Variants in GATAD2B observed in about 807,000 individuals in gnomAD.
GATAD2B encodes GATA zinc finger domain containing 2B.
Under a neutral mutation model 64.3 loss-of-function variants are expected in GATAD2B, and 8 were observed. That is an observed-to-expected ratio of 0.12 (90% CI 0.07 to 0.22). The LOEUF is 0.22. Ranked by LOEUF, GATAD2B falls within the 10% of genes least tolerant of loss-of-function variation. The pLI, the probability that GATAD2B is intolerant of heterozygous loss-of-function variation, is 1.00. For synonymous variants in GATAD2B, 281 were observed against 271.3 expected (o/e 1.04, Z -0.35); for missense variants, 453 against 752.0 (o/e 0.60, Z 4.65).
At chr1:153,815,104 A>AAAAAAAAAAAAAAAC (rs1674417180) in intron 7 of GATAD2B, among the ~76,000 whole-genome samples, 1 of 142,338 alleles carries the variant, frequency 7.0e-6, no homozygotes, top group Non-Finnish European at 1.6e-5. Flanking sequence ...AAAAAAAAAA[A>AAAAAAAAAAAAAAAC]AAAAAAAACC....
At chr1:153,836,316 C>T (rs1435477305) in intron 1 of GATAD2B, among the ~76,000 whole-genome samples, 1 of 144,984 alleles carries the variant, frequency 6.9e-6, no homozygotes, top group Non-Finnish European at 1.5e-5. Flanking sequence ...AGTGCAGTGG[C>T]ACAGCCTCGG....
intron 1 of GATAD2B, among the ~76,000 whole-genome samples, chr1:153,866,257 T>C (rs902589217): frequency 2.0e-5 from 3 of 147,730 alleles, no homozygotes; most frequent in Non-Finnish European, 3.0e-5. Flanking sequence ...TTAGTCATAA[T>C]AGAGAGGTGA....
chr1:153,895,781 G>A (rs1419767069), intron 1 of GATAD2B, among the ~76,000 whole-genome samples: 1 of 152,094 alleles, frequency 6.6e-6, no homozygotes, highest in Non-Finnish European at 1.5e-5. Context: ...TTCTAAGTCT[G>A]ATGCTCACAG....
chr1:153,836,449 C>T (rs1210913871), intron 1 of GATAD2B, among the ~76,000 whole-genome samples: 3 of 151,720 alleles, frequency 2.0e-5, no homozygotes, highest in Non-Finnish European at 4.4e-5. Flanking sequence ...CGAGGTTTCT[C>T]CATGTTGGCC....
At chr1:153,857,023 A>G (rs1043550290) in intron 1 of GATAD2B, among the ~76,000 whole-genome samples, 1 of 152,080 alleles carries the variant, frequency 6.6e-6, no homozygotes, top group Admixed American at 6.6e-5. Context: ...TGGGGAAAAA[A>G]CATATCAGAT....
At chr1:153,847,744 G>T (rs547272834) in intron 1 of GATAD2B, among the ~76,000 whole-genome samples, 2 of 151,990 alleles carry the variant, frequency 1.3e-5, no homozygotes, top group South Asian at 2.1e-4. Flanking sequence ...ACTCCTATGA[G>T]ATATATCTTG....
intron 1 of GATAD2B, among the ~76,000 whole-genome samples, chr1:153,840,429 C>T (rs1397204154): frequency 6.6e-6 from 1 of 151,970 alleles, no homozygotes; most frequent in Non-Finnish European, 1.5e-5. Context: ...CCTCCGCCTC[C>T]TGGGTTCAAG....
At chr1:153,886,677 G>C (rs950706015) in intron 1 of GATAD2B, among the ~76,000 whole-genome samples, 1 of 151,400 alleles carries the variant, frequency 6.6e-6, no homozygotes, top group African/African-American at 2.4e-5. Context: ...TCAGCCTCTC[G>C]ACTAGCTGGG....
chr1:153,864,073 C>T (rs1676398549), intron 1 of GATAD2B, among the ~76,000 whole-genome samples: 1 of 152,142 alleles, frequency 6.6e-6, no homozygotes, highest in African/African-American at 2.4e-5. Context: ...GAGTTTTGAA[C>T]AGAGATCCTT....
At chr1:153,922,550 G>A (rs1253909091) in intron 1 of GATAD2B, among the ~76,000 whole-genome samples, 183 bp downstream of exon 1, 1 of 123,854 alleles carries the variant, frequency 8.1e-6, no homozygotes, top group Non-Finnish European at 1.7e-5. Context: ...GGGGGAGGGG[G>A]ACGCAAGGCG....
In GATAD2B at chr1:153,809,375, C is replaced by T. The variant is rs184850594; in HGVS notation, c.*802G>A. ...AGGACCTAGTTTCAATCCTCCCTGG[C>T]TCATAATTGAGCCCATCTTCATACC... On this transcript the variant is annotated 3_prime_UTR_variant, in exon 11 of 11. Transcript: ENST00000368655. 1 of 152,430 alleles carries T rather than the reference C, an allele frequency of 6.6e-6. No individual in the cohort carries two copies. Among genetic ancestry groups the T allele is most frequent in the East Asian group, 1.9e-4 (1 of 5,184 alleles). The allele number at this position is 152,430 out of a possible 1,614,324, so 9.4% of individuals were successfully genotyped here.
In GATAD2B at chr1:153,878,774, C is replaced by CTTT. The variant is rs71093297; in HGVS notation, c.-2+43956_-2+43958dup. ...TAACAGTGTGACCCATACTTTATTC[C>CTTT]TTTTTTTTTTTTTTTTTTTTTGAGA... On this transcript the variant is annotated intron_variant, in intron 1 of 10. Transcript: ENST00000368655. 3.6e-3 allele frequency among the ~76,000 whole-genome samples: 391 copies of CTTT among 108,062 alleles called. 8 individuals carry two copies. Among genetic ancestry groups the CTTT allele is most frequent in the Non-Finnish European group, 4.0e-3 (227 of 56,934 alleles). 70.9% of individuals were successfully genotyped at this position (108,062 alleles called of 152,430 possible).
intron 7 of GATAD2B, among the ~76,000 whole-genome samples, chr1:153,815,081 C>CAAAAAAAAAAAAAAA (rs58874063): frequency 3.5e-4 from 9 of 25,380 alleles, no homozygotes; most frequent in South Asian, 3.8e-3. Flanking sequence ...GACTCTGTCT[C>CAAAAAAAAAAAAAAA]AAAAAAAAAA....
chr1:153,832,071 C>T (rs1177100294), intron 1 of GATAD2B, among the ~76,000 whole-genome samples: 3 of 152,214 alleles, frequency 2.0e-5, no homozygotes, highest in East Asian at 3.9e-4. Context: ...AAAAATTAGT[C>T]GGGTGTTGTG....
At chr1:153,841,826 T>C (rs1319027889) in intron 1 of GATAD2B, among the ~76,000 whole-genome samples, 1 of 152,174 alleles carries the variant, frequency 6.6e-6, no homozygotes, top group South Asian at 2.1e-4. Context: ...TGCTGAGTCA[T>C]ATGGTAAGTG....
chr1:153,806,811 T>G lies in GATAD2B; in HGVS notation c.*3366A>C, dbSNP rs1674125708. On this transcript the variant is annotated 3_prime_UTR_variant, in exon 11 of 11. Coordinates refer to ENST00000368655, the MANE Select transcript of GATAD2B (RefSeq NM_020699.4). ...AGAAGGGTTATGCCTTCTGGAGGAG[T>G]GGGGAGAAAAGGGAATGATTAGGGA... 4.8e-5 allele frequency: 7 copies of G among 144,910 alleles called. No individual in the cohort carries two copies. Among genetic ancestry groups the G allele is most frequent in the Non-Finnish European group, 6.1e-5 (4 of 66,020 alleles). 9.0% of individuals were successfully genotyped at this position (144,910 alleles called of 1,614,324 possible). A position where few individuals can be genotyped will look rare whatever the true frequency, so the allele number is the denominator to read the frequency against.
chr1:153,866,873 C>T (rs574904584), intron 1 of GATAD2B, among the ~76,000 whole-genome samples: 12 of 152,238 alleles, frequency 7.9e-5, no homozygotes, highest in Non-Finnish European at 1.5e-4. Flanking sequence ...CTCCGCCTCC[C>T]GGGTTCAATA....
chr1:153,895,644 A>G (rs1677565921), intron 1 of GATAD2B, among the ~76,000 whole-genome samples: 1 of 152,118 alleles, frequency 6.6e-6, no homozygotes, highest in Non-Finnish European at 1.5e-5. Flanking sequence ...CTGAGGGGCA[A>G]AGGAGACATG....
At chr1:153,908,038 C>T (rs1423530374) in intron 1 of GATAD2B, among the ~76,000 whole-genome samples, 1 of 152,190 alleles carries the variant, frequency 6.6e-6, no homozygotes, top group African/African-American at 2.4e-5. Context: ...CTCCTGACCT[C>T]ATGATCTGCC....
Sources: allele counts gnomAD v4.1 joint callset (sites outside exome capture counted in the v4.1 genomes callset), GRCh38; gene constraint gnomAD v4.1.1; transcripts MANE v1.5; gene names NCBI Gene and HGNC (gene_info 2026-07-23, HGNC 2026-07-21).